Variants in FAM78A observed in about 807,000 individuals in gnomAD.
The protein encoded by FAM78A is family with sequence similarity 78 member A.
In FAM78A, 12 loss-of-function variants were observed where a neutral mutation model predicts 22.6. That is an observed-to-expected ratio of 0.53 (90% CI 0.34 to 0.86). The LOEUF (loss-of-function observed/expected upper bound fraction) is 0.86, where lower values mean the gene tolerates loss of function less well. Among genes scored for constraint, FAM78A ranks in the 40% least tolerant of loss-of-function variants. The pLI, the probability that FAM78A is intolerant of heterozygous loss-of-function variation, is 0.02. For synonymous variants in FAM78A, 151 were observed against 155.8 expected (o/e 0.97, Z 0.23); for missense variants, 322 against 396.1 (o/e 0.81, Z 1.59).
At position 131,274,651 on chromosome 9, in the gene FAM78A, A is replaced by T. The variant is rs186988072; in HGVS notation, c.323+1206T>A. 1.3e-5 allele frequency among the ~76,000 whole-genome samples: 2 copies of T among 152,334 alleles called. No homozygotes were observed. The highest frequency in any genetic ancestry group is 1.9e-4 in the East Asian group (1 of 5,184). Reference sequence around the variant, plus strand: ...GAACTTTGGAGTCATTAAGTAGAGAAGCCACCAGACTTGGTGTCCCGCCAT... The same window carrying T: ...GAACTTTGGAGTCATTAAGTAGAGATGCCACCAGACTTGGTGTCCCGCCAT... On this transcript the variant is annotated intron_variant, in intron 1 of 1. Coordinates refer to ENST00000372271, the MANE Select transcript of FAM78A (RefSeq NM_033387.4). The surrounding 1 kb of genome is among the most constrained non-coding windows in gnomAD (Gnocchi z 4.2).
chr9:131,267,031 C>T (rs546906788), intron 1 of FAM78A, among the ~76,000 whole-genome samples: 4 of 152,296 alleles, frequency 2.6e-5, no homozygotes, highest in Middle Eastern at 3.4e-3. Context: ...ACACGGGCTG[C>T]GCCAGGCACC....
chr9:131,279,982 T>G (rs762345386), upstream of FAM78A, among the ~76,000 whole-genome samples: 1 of 152,128 alleles, frequency 6.6e-6, no homozygotes, highest in Non-Finnish European at 1.5e-5. Context: ...GACTGATCAC[T>G]AGGAAGTCCT....
At chr9:131,277,532 G>T (rs900471226), upstream of FAM78A, among the ~76,000 whole-genome samples, 1 of 151,804 alleles carries the variant, frequency 6.6e-6, no homozygotes, top group Non-Finnish European at 1.5e-5. This position sits in a 1 kb window ranked among gnomAD's most constrained non-coding sequence, Gnocchi z 8.4. Context: ...CCACTCGGGC[G>T]GCGCCGCCGA....
upstream of FAM78A, among the ~76,000 whole-genome samples, chr9:131,277,569 TG>T (rs1835501515): frequency 6.6e-6 from 1 of 151,562 alleles, no homozygotes; most frequent in Admixed American, 6.6e-5. The surrounding 1 kb of genome is among the most constrained non-coding windows in gnomAD (Gnocchi z 8.4). Context: ...GCCACTCCGC[TG>T]GCCCGGGCAG....
rs1835259714 is a variant in FAM78A at position 131,261,066 on chromosome 9, A to G, written c.608T>C (p.Met203Thr). ...CCAGTGCAGCGTCTGCAGGATGATC[A>G]TGTCGTTGGTGGAGGTGTTGGTGGC... ...LVATNTSTND[M>T]IILQTLHWRM... The change falls in exon 2 of 2, where the codon ATG becomes ACG. Residue 203 changes from methionine to threonine, a missense_variant. Met to Thr is a moderately conservative substitution (Grantham distance 81). Transcript: ENST00000372271. The surrounding 1 kb of genome is among the most constrained non-coding windows in gnomAD (Gnocchi z 7.1). The G allele has an allele frequency of 6.2e-7, 1 of 1,614,138 alleles. No homozygotes were observed. The highest frequency in any genetic ancestry group is 8.5e-7 in the Non-Finnish European group (1 of 1,180,016).
Sources: gnomAD v4.1 joint callset for allele counts (sites outside exome capture counted in the v4.1 genomes callset) on GRCh38, gnomAD v4.1.1 for gene constraint, Gnocchi (gnomAD v3.1) non-coding constraint, MANE v1.5 for transcripts, NCBI Gene and HGNC (gene_info 2026-07-23, HGNC 2026-07-21) for gene names.